Variants in INPP5A observed in about 807,000 individuals in gnomAD.
INPP5A encodes the protein 43 kDa inositol polyphosphate 5-phophatase.
A neutral mutation model predicts 65.2 loss-of-function variants in INPP5A; 14 were observed. That is an observed-to-expected ratio of 0.21 (90% confidence interval 0.14 to 0.34). The LOEUF (loss-of-function observed/expected upper bound fraction) is 0.34. Among genes scored for constraint, INPP5A ranks in the 10% least tolerant of loss-of-function variants. The pLI is 1.00. For synonymous variants in INPP5A, 207 were observed against 208.3 expected (o/e 0.99, Z 0.05); for missense variants, 431 against 545.6 (o/e 0.79, Z 2.09).
At chr10:132,738,642 G>A (rs965020231) in intron 9 of INPP5A, among the ~76,000 whole-genome samples, 4 of 152,244 alleles carry the variant, frequency 2.6e-5, no homozygotes, top group African/African-American at 4.8e-5. Flanking sequence ...AGAGCAAGTG[G>A]GCGCCACTCC....
chr10:132,608,348 CAG>C (rs1051342690), intron 2 of INPP5A, among the ~76,000 whole-genome samples: 1 of 152,214 alleles, frequency 6.6e-6, no homozygotes, highest in African/African-American at 2.4e-5. Flanking sequence ...GCACTCTGTG[CAG>C]AGAGTGGGTG....
intron 8 of INPP5A, among the ~76,000 whole-genome samples, chr10:132,713,469 A>C (rs1455784580): frequency 2.6e-5 from 4 of 152,064 alleles, no homozygotes; most frequent in Non-Finnish European, 5.9e-5. Flanking sequence ...AGGGCTCTGC[A>C]CAAGGAGTCT....
intron 4 of INPP5A, 59 bp from the exon 5 acceptor site, chr10:132,690,333 G>T (rs1298513963): frequency 3.7e-6 from 4 of 1,084,208 alleles, no homozygotes; most frequent in East Asian, 4.7e-5. Context: ...TGTTAAAAAT[G>T]ATCTTTAGAA....
intron 12 of INPP5A, among the ~76,000 whole-genome samples, chr10:132,775,168 A>G (rs58256639): frequency 0.73 from 5,152 of 7,074 alleles, 1,755 homozygotes; most frequent in African/African-American, 0.75. Context: ...AGAGGGGCAG[A>G]GAGGAGGGGC....
At chr10:132,589,352 G>A (rs2071588689) in intron 1 of INPP5A, among the ~76,000 whole-genome samples, 1 of 152,264 alleles carries the variant, frequency 6.6e-6, no homozygotes, top group South Asian at 2.1e-4. Context: ...GGTTCTTGAG[G>A]CAAAGGGAAG....
chr10:132,619,509 C>T (rs1353127228), intron 2 of INPP5A, among the ~76,000 whole-genome samples: 2 of 152,138 alleles, frequency 1.3e-5, no homozygotes, highest in Non-Finnish European at 2.9e-5. Flanking sequence ...AGTGGATATA[C>T]CATTTTGGGA....
chr10:132,716,151 C>G (rs1180077645), intron 8 of INPP5A, among the ~76,000 whole-genome samples: 1 of 152,224 alleles, frequency 6.6e-6, no homozygotes, highest in Non-Finnish European at 1.5e-5. Flanking sequence ...CCTGCACCCG[C>G]CACGCACCCT....
intron 4 of INPP5A, among the ~76,000 whole-genome samples, chr10:132,680,985 C>G (rs546210054): frequency 2.0e-5 from 3 of 152,248 alleles, no homozygotes; most frequent in Non-Finnish European, 4.4e-5. Flanking sequence ...GAGCTCCGCC[C>G]CCTGCTCCAG....
At position 132,690,499 on chromosome 10, in the gene INPP5A, C is replaced by A. The variant is rs779589366; in HGVS notation, c.370+44C>A. ...TTCCGGGATTTTGTCTCGGCACTCA[C>A]CCCTCCTGGTGTCTGGCTTCCCCAG... On this transcript the variant is annotated intron_variant, in intron 5 of 15. Coordinates refer to ENST00000368594, the MANE Select transcript of INPP5A (RefSeq NM_005539.5). 9.8e-6 allele frequency: 14 copies of A among 1,435,600 alleles called. No homozygotes were observed. The East Asian group carries it at 3.0e-4, about 30-fold the overall frequency. 88.9% of individuals were successfully genotyped at this position (1,435,600 alleles called of 1,614,324 possible).
At chr10:132,724,961 C>T (rs929190227) in intron 8 of INPP5A, among the ~76,000 whole-genome samples, 193 of 124,744 alleles carry the variant, frequency 1.5e-3, no homozygotes, top group African/African-American at 5.3e-3. Flanking sequence ...GACCCCAGGA[C>T]GACAGGAGCA....
At chr10:132,780,434 C>G (rs868167201) in intron 13 of INPP5A, among the ~76,000 whole-genome samples, 1 of 152,254 alleles carries the variant, frequency 6.6e-6, no homozygotes, top group Admixed American at 6.5e-5. Flanking sequence ...GATGGGCTGC[C>G]GCACTCAGAG....
At chr10:132,569,661 CTGTT>C (rs934045469) in intron 1 of INPP5A, among the ~76,000 whole-genome samples, 14 of 152,042 alleles carry the variant, frequency 9.2e-5, no homozygotes, top group African/African-American at 3.4e-4. Flanking sequence ...TGGGTCCCCA[CTGTT>C]TTTTTTAATT....
chr10:132,584,724 G>A (rs2071526529), intron 1 of INPP5A, among the ~76,000 whole-genome samples: 1 of 151,976 alleles, frequency 6.6e-6, no homozygotes, highest in Admixed American at 6.6e-5. Flanking sequence ...TTTTAAAATT[G>A]TCTGTTTTTG....
At chr10:132,599,968 C>T (rs1220987297) in intron 1 of INPP5A, among the ~76,000 whole-genome samples, 1 of 152,206 alleles carries the variant, frequency 6.6e-6, no homozygotes, top group Non-Finnish European at 1.5e-5. Context: ...GACCCTGGGC[C>T]TGGCCCATGA....
rs2072471919 is a variant in INPP5A, at chr10:132,644,781, C to T, written c.118-1087C>T. 6.6e-6 allele frequency among the ~76,000 whole-genome samples: 1 copy of T among 152,236 alleles called. No homozygotes were observed. The highest frequency in any genetic ancestry group is 1.5e-5 in the Non-Finnish European group (1 of 68,046). On this transcript the variant is annotated intron_variant, in intron 2 of 15. Transcript: ENST00000368594. This position sits in a 1 kb window ranked among gnomAD's most constrained non-coding sequence, Gnocchi z 6.5. Reference sequence around the variant, plus strand: ...ATCCTGTGTTCCAGGGGAGCGGGGTCAATCAGTGCCTCACCCCTCATCCTG... The same window carrying T: ...ATCCTGTGTTCCAGGGGAGCGGGGTTAATCAGTGCCTCACCCCTCATCCTG...
chr10:132,766,905 T>C (rs552779824), intron 12 of INPP5A, among the ~76,000 whole-genome samples: 3 of 118,332 alleles, frequency 2.5e-5, no homozygotes, highest in African/African-American at 9.9e-5. Context: ...CTCAGGGAGC[T>C]TGGGTGGGCT....
chr10:132,538,129 G>T lies in INPP5A; in HGVS notation c.33G>T (p.Ala11=), dbSNP rs781535537. Residue 11 remains alanine, a synonymous_variant, in exon 1 of 16, where the codon GCG becomes GCT. Coordinates refer to ENST00000368594, the MANE Select transcript of INPP5A (RefSeq NM_005539.5). The surrounding 1 kb of genome is among the most constrained non-coding windows in gnomAD (Gnocchi z 4.1). Reference sequence around the variant, plus strand: ...GGAAGGCGGCCGCCCCGGGCACCGCGGTGCTGCTGGTCACGGCCAACGTGG... The same window carrying T: ...GGAAGGCGGCCGCCCCGGGCACCGCTGTGCTGCTGGTCACGGCCAACGTGG... MAGKAAAPGT[A]VLLVTANVGS... 5.8e-5 allele frequency: 73 copies of T among 1,255,700 alleles called. 1 individual carries two copies. In the East Asian group the frequency reaches 2.0e-3, roughly 35 times the overall value. The allele number at this position is 1,255,700 out of a possible 1,614,324, so 77.8% of individuals were successfully genotyped here. A position where few individuals can be genotyped will look rare whatever the true frequency, so the allele number is the denominator to read the frequency against.
At chr10:132,742,117 C>T (rs1846285382) in intron 9 of INPP5A, among the ~76,000 whole-genome samples, 1 of 152,218 alleles carries the variant, frequency 6.6e-6, no homozygotes. Context: ...AGAGCTCATG[C>T]GCCATGAGCC....
chr10:132,750,085 C>T (rs1413241827), intron 11 of INPP5A, among the ~76,000 whole-genome samples: 1 of 152,256 alleles, frequency 6.6e-6, no homozygotes, highest in African/African-American at 2.4e-5. Flanking sequence ...TGACACTCGA[C>T]CCATCAGCTT....
Sources: allele counts gnomAD v4.1 joint callset (sites outside exome capture counted in the v4.1 genomes callset), GRCh38; gene constraint gnomAD v4.1.1; non-coding constraint Gnocchi (gnomAD v3.1); transcripts MANE v1.5; gene names NCBI Gene and HGNC (gene_info 2026-07-23, HGNC 2026-07-21).